The following XIST variants were observed in gnomAD, a reference collection of about 807,000 sequenced individuals.
The protein encoded by XIST is X inactive specific transcript.
At chrX:73,843,405 T>C (rs772589134) in exon 1 of XIST, 1 of 558,671 alleles carries the variant, frequency 1.8e-6, no homozygotes, top group South Asian at 2.2e-5. Context: ...AGATTATGAG[T>C]AGTTAACACT....
exon 1 of XIST, chrX:73,841,779 T>C: frequency 2.0e-6 from 1 of 496,959 alleles, no homozygotes; most frequent in East Asian, 3.6e-5. Context: ...AAATGCTTCA[T>C]TTTATATAAT....
exon 1 of XIST, chrX:73,847,466 C>T (rs1448526959): frequency 2.0e-6 from 1 of 509,174 alleles, no homozygotes; most frequent in African/African-American, 2.4e-5. Context: ...GGGATCTTCC[C>T]ACCTCAGCCT....
At chrX:73,842,332 A>G (rs1404008733) in exon 1 of XIST, 1 of 554,529 alleles carries the variant, frequency 1.8e-6, no homozygotes, top group Admixed American at 2.2e-5. Context: ...TCCTGGGGAG[A>G]CAATTTTATA....
At chrX:73,849,727 C>T in exon 1 of XIST, 1 of 556,376 alleles carries the variant, frequency 1.8e-6, no homozygotes, top group Non-Finnish European at 3.2e-6. Context: ...AACGGAATAT[C>T]CCAGTATAAT....
chrX:73,844,613 C>T lies in XIST; in HGVS notation n.8111G>A, dbSNP rs761333728. On this transcript the variant is annotated non_coding_transcript_exon_variant, in exon 1 of 6. Coordinates refer to ENST00000429829, the Ensembl canonical transcript of XIST. ...AAGGGTCTTATGGAGTGAGCACTCC[C>T]TGCTGGGAGGAAAAGAAAGATTATG... 19 of 557,155 alleles carry T rather than the reference C, an allele frequency of 3.4e-5. No individual in the cohort carries two copies. In the South Asian group the frequency reaches 4.0e-4, roughly 12 times the overall value. The allele number at this position is 557,155 out of a possible 1,213,427, so 45.9% of individuals were successfully genotyped here.
chrX:73,847,253 A>C (rs773941035), exon 1 of XIST: 3 of 557,506 alleles, frequency 5.4e-6, no homozygotes, highest in Non-Finnish European at 6.5e-6. Flanking sequence ...TGGAGCAAGG[A>C]AGCGGGATTC....
exon 1 of XIST, chrX:73,846,772 A>G: frequency 1.8e-6 from 1 of 559,354 alleles, no homozygotes; most frequent in Non-Finnish European, 3.2e-6. Context: ...GGTGTCACCA[A>G]CCATGCTGTC....
exon 1 of XIST, chrX:73,841,568 C>CATAT: frequency 1.8e-6 from 1 of 558,533 alleles, no homozygotes; most frequent in Non-Finnish European, 3.2e-6. Flanking sequence ...TTACATAATC[C>CATAT]TGTGCCACAA....
chrX:73,824,244 T>C, exon 6 of XIST: 1 of 515,486 alleles, frequency 1.9e-6, no homozygotes, highest in Non-Finnish European at 3.5e-6. Flanking sequence ...ATAGTGGCAT[T>C]CTTCAGACAA....
Position 73,852,257 on chromosome X carries a change from A to G in XIST, n.467T>C, listed in dbSNP as rs752484811. 3 of 548,380 alleles carry G rather than the reference A, an allele frequency of 5.5e-6. No homozygotes were observed. The Admixed American group carries it at 6.9e-5, about 13-fold the overall frequency. The allele number at this position is 548,380 out of a possible 1,213,427, so 45.2% of individuals were successfully genotyped here. ...ATCCGATACCCCGATGGGCTAAGGAAAAAAAAATAAAAAGCAGGTATCCGC... is the reference window on the plus strand; with the variant it reads ...ATCCGATACCCCGATGGGCTAAGGAGAAAAAAATAAAAAGCAGGTATCCGC... On this transcript the variant is annotated non_coding_transcript_exon_variant, in exon 1 of 6. Transcript: ENST00000429829.
At chrX:73,843,436 G>T (rs375445641) in exon 1 of XIST, 37 of 556,146 alleles carry the variant, frequency 6.7e-5, no homozygotes, top group African/African-American at 4.3e-4. Context: ...AATCCAAAGG[G>T]TAATGGGAGG....
exon 6 of XIST, chrX:73,825,499 G>A (rs1160687180): frequency 1.9e-6 from 1 of 516,594 alleles, no homozygotes; most frequent in Admixed American, 2.6e-5. Context: ...GCCTAGCACA[G>A]GGACAGGCAC....
At chrX:73,839,227 G>A (rs1922543440) in intron 1 of XIST, among the ~76,000 whole-genome samples, 1 of 111,148 alleles carries the variant, frequency 9.0e-6, no homozygotes, top group Non-Finnish European at 1.9e-5. Context: ...ATTTAGGGAG[G>A]TGGCTAGAGA....
At chrX:73,846,813 C>A in exon 1 of XIST, 1 of 558,952 alleles carries the variant, frequency 1.8e-6, no homozygotes, top group South Asian at 2.2e-5. Flanking sequence ...ATGTAATTGT[C>A]ATTAGGCACA....
exon 6 of XIST, chrX:73,823,306 TTTC>T (rs1257868462): frequency 1.1e-5 from 5 of 474,439 alleles, no homozygotes; most frequent in South Asian, 2.9e-5. Flanking sequence ...TGCATTTTTC[TTTC>T]TTTTTTTTTT....
At chrX:73,832,706 A>C (rs1922410080) in intron 3 of XIST, among the ~76,000 whole-genome samples, 1 of 111,482 alleles carries the variant, frequency 9.0e-6, no homozygotes, top group African/African-American at 3.3e-5. Flanking sequence ...GAAATAATTT[A>C]GTGCTTTGCA....
chrX:73,822,313 G>C (rs1429063778), exon 6 of XIST: 1 of 557,010 alleles, frequency 1.8e-6, no homozygotes, highest in Non-Finnish European at 3.2e-6. Context: ...AGTGGCCAGA[G>C]TGGTAGAAGA....
chrX:73,826,341 T>C (rs888910415), exon 6 of XIST: 6 of 557,465 alleles, frequency 1.1e-5, no homozygotes, highest in Non-Finnish European at 1.9e-5. Context: ...TATATGAATG[T>C]CTGCTCCTGA....
chrX:73,821,267 T>C (rs1922109290), exon 6 of XIST: 1 of 554,649 alleles, frequency 1.8e-6, no homozygotes, highest in African/African-American at 2.2e-5. Context: ...GACATTTATC[T>C]ATTTCCTTCT....
Sources: gnomAD v4.1 joint callset for allele counts (sites outside exome capture counted in the v4.1 genomes callset) on GRCh38, gnomAD v4.1.1 for gene constraint, MANE v1.5 for transcripts, NCBI Gene and HGNC (gene_info 2026-07-23, HGNC 2026-07-21) for gene names.